Variants in FAM200B observed in about 807,000 individuals in gnomAD.
The protein encoded by FAM200B is protein FAM200B.
Under a neutral mutation model 33.1 loss-of-function variants are expected in FAM200B, and 32 were observed. That is an observed-to-expected ratio of 0.97 (90% confidence interval 0.73 to 1.30). FAM200B has a LOEUF of 1.30. Ranked by LOEUF, FAM200B falls within the 50% of genes most tolerant of loss-of-function variation. FAM200B has a pLI of 0.00. For missense variants in FAM200B, 741 were observed against 754.0 expected, an observed-to-expected ratio of 0.98 and a Z score of 0.20; for synonymous variants, 240 against 264.8, an observed-to-expected ratio of 0.91 and a Z score of 0.91.
chr4:15,674,794 C>A, the FAM200B span, among the ~76,000 whole-genome samples: 1 of 152,012 alleles, frequency 6.6e-6, no homozygotes. Context: ...GGACTACAGG[C>A]GCATGCCACC....
At chr4:15,670,325 T>C in the FAM200B span, among the ~76,000 whole-genome samples, 2 of 152,244 alleles carry the variant, frequency 1.3e-5, no homozygotes, top group Admixed American at 6.5e-5. Context: ...CGTTTAACTT[T>C]ACAGGAAACA....
chr4:15,671,629 G>T, the FAM200B span, among the ~76,000 whole-genome samples: 1 of 151,826 alleles, frequency 6.6e-6, no homozygotes, highest in Non-Finnish European at 1.5e-5. Flanking sequence ...TGAATCTGTG[G>T]GTTTATGGTT....
the FAM200B span, among the ~76,000 whole-genome samples, chr4:15,669,288 A>G: frequency 6.6e-6 from 1 of 152,204 alleles, no homozygotes; most frequent in Admixed American, 6.5e-5. Flanking sequence ...TACTGTAGGC[A>G]ATTGTAACAC....
chr4:15,655,318 C>T, the FAM200B span: 1 of 1,359,918 alleles, frequency 7.4e-7, no homozygotes, highest in Non-Finnish European at 9.7e-7. Flanking sequence ...CCTCAGCAGC[C>T]GCGGCCGCCG....
Position 15,689,359 on chromosome 4 carries a change from T to G in FAM200B, c.*408T>G, listed in dbSNP as rs1293006971. 1 of 169,248 alleles carries G rather than the reference T, an allele frequency of 5.9e-6. No individual in the cohort carries two copies. The highest frequency in any genetic ancestry group is 1.9e-4 in the East Asian group (1 of 5,290). 10.5% of individuals were successfully genotyped at this position (169,248 alleles called of 1,614,324 possible). ...GTAGACCATTATTGGGCCTCTGGCTTTTGTCAGTGGACTAGAGAACAGTTG... is the reference window on the plus strand; with the variant it reads ...GTAGACCATTATTGGGCCTCTGGCTGTTGTCAGTGGACTAGAGAACAGTTG... On this transcript the variant is annotated 3_prime_UTR_variant, in exon 2 of 2. Transcript: ENST00000422728.
chr4:15,680,572 G>A (rs1242608787), upstream of FAM200B, among the ~76,000 whole-genome samples: 2 of 152,262 alleles, frequency 1.3e-5, no homozygotes, highest in South Asian at 2.1e-4. Context: ...AGCTACTCGG[G>A]AGGTTGTGGC....
At chr4:15,670,712 A>G in the FAM200B span, among the ~76,000 whole-genome samples, 1 of 23,592 alleles carries the variant, frequency 4.2e-5, no homozygotes, top group Non-Finnish European at 1.1e-4. Flanking sequence ...GAAAAAAGGA[A>G]AAAAAAAAAC....
the FAM200B span, among the ~76,000 whole-genome samples, chr4:15,651,320 G>C: frequency 6.6e-6 from 1 of 152,182 alleles, no homozygotes; most frequent in Admixed American, 6.5e-5. Context: ...AAAATCCTAA[G>C]ATTAAAATTC....
chr4:15,668,943 C>T, the FAM200B span, among the ~76,000 whole-genome samples: 1 of 152,302 alleles, frequency 6.6e-6, no homozygotes, highest in East Asian at 1.9e-4. Context: ...CACTGCAGAA[C>T]ATTTGGAAGC....
upstream of FAM200B, among the ~76,000 whole-genome samples, chr4:15,678,098 T>A (rs1227944182): frequency 6.6e-6 from 1 of 152,144 alleles, no homozygotes; most frequent in East Asian, 1.9e-4. Context: ...AATTATATAT[T>A]TAATAGGAAT....
chr4:15,638,938 G>A, the FAM200B span, among the ~76,000 whole-genome samples: 1 of 152,172 alleles, frequency 6.6e-6, no homozygotes, highest in African/African-American at 2.4e-5. Flanking sequence ...GCCAAGGCGG[G>A]TAGGTCACCT....
chr4:15,679,584 A>C (rs946593777), upstream of FAM200B, among the ~76,000 whole-genome samples: 2 of 151,748 alleles, frequency 1.3e-5, no homozygotes, highest in African/African-American at 4.8e-5. Context: ...AAAACAAAAA[A>C]ACAAAAAACC....
chr4:15,661,100 C>A, the FAM200B span, among the ~76,000 whole-genome samples: 1 of 151,788 alleles, frequency 6.6e-6, no homozygotes, highest in Non-Finnish European at 1.5e-5. Flanking sequence ...AGTTAGGTAA[C>A]CTTTAACGAA....
the FAM200B span, among the ~76,000 whole-genome samples, chr4:15,664,162 C>T: frequency 1.2e-4 from 19 of 152,138 alleles, no homozygotes; most frequent in African/African-American, 4.6e-4. Flanking sequence ...ATCTTAAAAG[C>T]TTTCATTTTT....
chr4:15,650,812 T>C, the FAM200B span, among the ~76,000 whole-genome samples: 16 of 151,932 alleles, frequency 1.1e-4, no homozygotes, highest in Non-Finnish European at 2.9e-5. Context: ...TTTGTATTTT[T>C]AGTAGAGATG....
chr4:15,672,026 A>C, the FAM200B span, among the ~76,000 whole-genome samples: 1 of 152,302 alleles, frequency 6.6e-6, no homozygotes, highest in African/African-American at 2.4e-5. Flanking sequence ...TTTGGAGATT[A>C]CATTGTGGAT....
At chr4:15,639,056 C>T in the FAM200B span, among the ~76,000 whole-genome samples, 8 of 152,142 alleles carry the variant, frequency 5.3e-5, no homozygotes, top group Non-Finnish European at 1.0e-4. Context: ...CCCAGCTACT[C>T]GAGAGACTGA....
At chr4:15,684,799 T>A (rs1312719287) in intron 1 of FAM200B, 1 of 152,228 alleles carries the variant, frequency 6.6e-6, no homozygotes, top group Non-Finnish European at 1.5e-5. Context: ...CCTGCTAATG[T>A]CCTCGACAGA....
chr4:15,672,157 G>C, the FAM200B span, among the ~76,000 whole-genome samples: 46 of 152,278 alleles, frequency 3.0e-4, no homozygotes, highest in Middle Eastern at 0.014. Flanking sequence ...TTAAACACTT[G>C]TTAGGCAAGA....
Sources: gnomAD v4.1 joint callset for allele counts (sites outside exome capture counted in the v4.1 genomes callset) on GRCh38, gnomAD v4.1.1 for gene constraint, MANE v1.5 for transcripts, NCBI Gene and HGNC (gene_info 2026-07-23, HGNC 2026-07-21) for gene names.